SLC2A10: variants seen among roughly 807,000 people sequenced by gnomAD.
SLC2A10 encodes the protein solute carrier family 2, facilitated glucose transporter member 10.
A neutral mutation model predicts 32.1 loss-of-function variants in SLC2A10; 25 were observed. That is an observed-to-expected ratio of 0.78 (90% CI 0.57 to 1.09). The LOEUF (loss-of-function observed/expected upper bound fraction) is 1.09, where lower values mean the gene tolerates loss of function less well. SLC2A10 is among the 50% of genes least tolerant of loss of function. The pLI is 0.00. For synonymous variants in SLC2A10, 332 were observed against 309.6 expected (o/e 1.07, Z -0.76); for missense variants, 673 against 686.5 (o/e 0.98, Z 0.22).
Position 46,735,776 on chromosome 20 carries a change from A to C in SLC2A10, c.*1942A>C, listed in dbSNP as rs1216981786. The C allele has an allele frequency of 6.6e-6, 1 of 152,264 alleles. No individual in the cohort carries two copies. Among genetic ancestry groups the C allele is most frequent in the Non-Finnish European group, 1.5e-5 (1 of 68,054 alleles). 9.4% of individuals were successfully genotyped at this position (152,264 alleles called of 1,614,324 possible). A position where few individuals can be genotyped will look rare whatever the true frequency, so the allele number is the denominator to read the frequency against. ...TTTAAAGTATGTCTTGTTTGTAGCC[A>C]ATACATGGTGTATAGCACCAAAAAA... On this transcript the variant is annotated 3_prime_UTR_variant, in exon 5 of 5. Coordinates refer to ENST00000359271, the MANE Select transcript of SLC2A10 (RefSeq NM_030777.4).
intron 3 of SLC2A10, 56 bp downstream of exon 3, chr20:46,727,042 A>G (rs543649575): frequency 6.2e-7 from 1 of 1,612,768 alleles, no homozygotes; most frequent in Admixed American, 1.7e-5. Context: ...TCCCTACTCT[A>G]AAGCAGAAAT....
upstream of SLC2A10, chr20:46,709,467 C>T: frequency 2.3e-6 from 1 of 441,536 alleles, no homozygotes. Flanking sequence ...GTGGGGGCCC[C>T]CGGGAGGACA....
chr20:46,733,865 G>C lies in SLC2A10; in HGVS notation c.*31G>C, dbSNP rs751514397. Reference sequence around the variant, plus strand: ...CCGTCTGCCTGGAAATTCTGGAACTGTGGCTTTGGCAGACCATCTCCAGCA... The same window carrying C: ...CCGTCTGCCTGGAAATTCTGGAACTCTGGCTTTGGCAGACCATCTCCAGCA... On this transcript the variant is annotated 3_prime_UTR_variant, in exon 5 of 5. Coordinates refer to ENST00000359271, the MANE Select transcript of SLC2A10 (RefSeq NM_030777.4). 1 of 1,607,332 alleles carries C rather than the reference G, an allele frequency of 6.2e-7. No individual in the cohort carries two copies. The highest frequency in any genetic ancestry group is 8.5e-7 in the Non-Finnish European group (1 of 1,174,148).
At chr20:46,720,053 C>T (rs557427312) in intron 1 of SLC2A10, among the ~76,000 whole-genome samples, 1 of 152,240 alleles carries the variant, frequency 6.6e-6, no homozygotes, top group East Asian at 1.9e-4. Flanking sequence ...GGAACAGCAT[C>T]CATTGTTTCA....
intron 4 of SLC2A10, among the ~76,000 whole-genome samples, chr20:46,730,804 A>C (rs1246744173): frequency 6.6e-6 from 1 of 152,238 alleles, no homozygotes; most frequent in Non-Finnish European, 1.5e-5. Flanking sequence ...AAAGTGCTAC[A>C]GTCCTAAGCA....
chr20:46,710,737 G>A (rs1978859651), intron 1 of SLC2A10, among the ~76,000 whole-genome samples: 1 of 152,248 alleles, frequency 6.6e-6, no homozygotes, highest in Non-Finnish European at 1.5e-5. Context: ...AGCGGGCAGG[G>A]CACTGAGGTC....
intron 1 of SLC2A10, among the ~76,000 whole-genome samples, chr20:46,715,593 T>C (rs965140168): frequency 3.9e-5 from 6 of 152,068 alleles, no homozygotes; most frequent in Non-Finnish European, 7.4e-5. Flanking sequence ...GCTCGTTTCC[T>C]TGGAAGGTAG....
intron 4 of SLC2A10, among the ~76,000 whole-genome samples, chr20:46,732,315 T>C (rs781301846): frequency 1.3e-5 from 2 of 152,202 alleles, no homozygotes; most frequent in Non-Finnish European, 2.9e-5. Flanking sequence ...CAAAAATTCC[T>C]GTTTTATCCC....
chr20:46,720,897 A>G (rs545219058), intron 1 of SLC2A10, among the ~76,000 whole-genome samples: 2 of 152,294 alleles, frequency 1.3e-5, no homozygotes, highest in African/African-American at 4.8e-5. Flanking sequence ...AAACACTCCA[A>G]GACTTAGCAT....
chr20:46,721,010 T>G (rs1979520529), intron 1 of SLC2A10, among the ~76,000 whole-genome samples: 1 of 152,206 alleles, frequency 6.6e-6, no homozygotes, highest in African/African-American at 2.4e-5. Flanking sequence ...GAGGCCCCTG[T>G]CTGTTGCCTA....
Position 46,734,057 on chromosome 20 carries a change from A to T in SLC2A10, c.*223A>T, listed in dbSNP as rs1279811877. The T allele has an allele frequency of 8.3e-6, 5 of 602,678 alleles. No individual in the cohort carries two copies. In the Admixed American group the frequency reaches 1.1e-4, roughly 13 times the overall value. 37.3% of individuals were successfully genotyped at this position (602,678 alleles called of 1,614,324 possible). A position where few individuals can be genotyped will look rare whatever the true frequency, so the allele number is the denominator to read the frequency against. ...TGAAGGTTCCTGAGGATCTAGCTTC[A>T]TGCCTCAGTTTCCCCATTGACTTGC... On this transcript the variant is annotated 3_prime_UTR_variant, in exon 5 of 5. Transcript: ENST00000359271.
At chr20:46,732,692 T>G (rs1012620060) in intron 4 of SLC2A10, among the ~76,000 whole-genome samples, 2 of 151,684 alleles carry the variant, frequency 1.3e-5, no homozygotes, top group Non-Finnish European at 2.9e-5. Context: ...TTTCACTCAC[T>G]GCCCTGTTTC....
At chr20:46,727,347 A>G (rs2076293) in intron 3 of SLC2A10, among the ~76,000 whole-genome samples, 79,484 of 151,782 alleles carry the variant, frequency 0.52, 21,162 homozygotes, top group East Asian at 0.69. Context: ...TTGAGATGGA[A>G]TCTTGCTCTG....
At chr20:46,709,631 G>GACA, upstream of SLC2A10, 1 of 1,406,928 alleles carries the variant, frequency 7.1e-7, no homozygotes, top group Non-Finnish European at 9.6e-7. Flanking sequence ...ACAGAGGCGG[G>GACA]GGCGGGCCGG....
rs775842258 is a variant in SLC2A10, at chr20:46,724,867, T to C, written c.5-174T>C. On this transcript the variant is annotated intron_variant, in intron 1 of 4. Transcript: ENST00000359271. ...TGGATGGTTGAATTGATGGAGTGGA[T>C]GGATGGACGGATGGATGGATGGATG... 1.5e-4 allele frequency among the ~76,000 whole-genome samples: 11 copies of C among 74,500 alleles called. No individual in the cohort carries two copies. The East Asian group carries it at 5.6e-3, about 38-fold the overall frequency. 48.9% of individuals were successfully genotyped at this position (74,500 alleles called of 152,430 possible).
At chr20:46,731,448 C>A (rs1980294227) in intron 4 of SLC2A10, among the ~76,000 whole-genome samples, 1 of 152,236 alleles carries the variant, frequency 6.6e-6, no homozygotes, top group South Asian at 2.1e-4. Flanking sequence ...AGCTGCCTGG[C>A]ATCTCTGCCA....
chr20:46,733,667 G>T lies in SLC2A10; in HGVS notation c.1548-89G>T, dbSNP rs1232919781. Reference sequence around the variant, plus strand: ...CATGGTAGGAGTGAAGGTGGGATTGGGTGGTGGGAACCCCAGTGGAAGGTC... The same window carrying T: ...CATGGTAGGAGTGAAGGTGGGATTGTGTGGTGGGAACCCCAGTGGAAGGTC... On this transcript the variant is annotated intron_variant, in intron 4 of 4. Transcript: ENST00000359271. 3 of 975,850 alleles carry T rather than the reference G, an allele frequency of 3.1e-6. No homozygotes were observed. The African/African-American group carries it at 4.8e-5, about 16-fold the overall frequency. 60.4% of individuals were successfully genotyped at this position (975,850 alleles called of 1,614,324 possible).
At chr20:46,723,631 A>G (rs1979681379) in intron 1 of SLC2A10, among the ~76,000 whole-genome samples, 1 of 152,212 alleles carries the variant, frequency 6.6e-6, no homozygotes, top group Admixed American at 6.5e-5. Context: ...AAGGCTTCCA[A>G]CCACTGAGAA....
At chr20:46,710,504 T>G (rs1978846321) in intron 1 of SLC2A10, 1 of 152,948 alleles carries the variant, frequency 6.5e-6, no homozygotes, top group South Asian at 2.1e-4. Flanking sequence ...AGATAAGGTG[T>G]TGTGGAACCC....
Sources: gnomAD v4.1 joint callset for allele counts (sites outside exome capture counted in the v4.1 genomes callset) on GRCh38, gnomAD v4.1.1 for gene constraint, MANE v1.5 for transcripts, NCBI Gene and HGNC (gene_info 2026-07-23, HGNC 2026-07-21) for gene names.